Variants in PCDHA9 observed in about 807,000 individuals in gnomAD.
PCDHA9 encodes the protein protocadherin alpha 9.
In PCDHA9, 62 loss-of-function variants were observed where a neutral mutation model predicts 62.0. The ratio of observed to expected loss-of-function variants is 1.00; its 90% confidence interval spans 0.81 to 1.23. The LOEUF is 1.23. Ranked by LOEUF, PCDHA9 falls within the 50% of genes most tolerant of loss-of-function variation. The pLI is 0.00. For missense variants in PCDHA9, 1,205 were observed against 1,249.8 expected (o/e 0.96, Z 0.54); for synonymous variants, 557 against 567.6 (o/e 0.98, Z 0.27).
chr5:140,966,893 C>CA (rs1554228863), intron 1 of PCDHA9: 3 of 1,595,686 alleles, frequency 1.9e-6, no homozygotes, highest in African/African-American at 1.3e-5. Context: ...TGCGGCCTCC[C>CA]AGCTGCGATA....
intron 1 of PCDHA9, among the ~76,000 whole-genome samples, chr5:140,911,106 G>T (rs192768876): frequency 6.6e-6 from 1 of 152,214 alleles, no homozygotes; most frequent in Non-Finnish European, 1.5e-5. Flanking sequence ...TGCCTCAGGG[G>T]AAGCCATCAC....
intron 1 of PCDHA9, among the ~76,000 whole-genome samples, chr5:140,906,125 T>G (rs1168148239): frequency 6.6e-6 from 1 of 152,028 alleles, no homozygotes; most frequent in Non-Finnish European, 1.5e-5. Flanking sequence ...GACACAAATG[T>G]TAGTCTCCTT....
intron 1 of PCDHA9, chr5:140,967,193 G>A (rs1190093681): frequency 6.2e-7 from 1 of 1,613,392 alleles, no homozygotes; most frequent in Non-Finnish European, 8.5e-7. Flanking sequence ...GGACATCAAC[G>A]ACAACTCACC....
intron 1 of PCDHA9, chr5:140,854,600 AT>A (rs2043170892): frequency 6.7e-6 from 1 of 150,110 alleles, no homozygotes; most frequent in African/African-American, 2.4e-5. Context: ...GTTTAAAGTA[AT>A]TGACACATTT....
At chr5:140,853,004 G>T (rs914027451) in intron 1 of PCDHA9, 1 of 289,800 alleles carries the variant, frequency 3.5e-6, no homozygotes, top group Non-Finnish European at 5.4e-6. Flanking sequence ...TCAGCCTCCC[G>T]AGTAGCTGGG....
chr5:140,870,318 G>A (rs372041974), intron 1 of PCDHA9: 11 of 1,614,060 alleles, frequency 6.8e-6, no homozygotes, highest in African/African-American at 4.0e-5. Flanking sequence ...ATTACTACTC[G>A]TTGGTGCTGG....
chr5:140,850,192 T>C lies in PCDHA9; in HGVS notation c.1697T>C (p.Leu566Pro). 1.3e-6 allele frequency: 2 copies of C among 1,593,512 alleles called. 1 individual carries two copies. The highest frequency in any genetic ancestry group is 1.7e-6 in the Non-Finnish European group (2 of 1,167,634). The change falls in exon 1 of 4, where the codon CTG (leucine) becomes CCG (proline). Residue 566 changes from leucine (L) to proline (P), a missense_variant. Transcript: ENST00000532602. ...GAGAACGACAATGCGCCGGCGCTGC[T>C]GACACCTCGGATGAGGGGCACTGAC... The part of the protein sequence containing the change: ...LDENDNAPAL[L>P]TPRMRGTDGA...
At chr5:140,954,014 A>T (rs782347890) in intron 1 of PCDHA9, among the ~76,000 whole-genome samples, 1 of 152,038 alleles carries the variant, frequency 6.6e-6, no homozygotes, top group Non-Finnish European at 1.5e-5. Context: ...CAGCTCCCAC[A>T]CATAGTGGGA....
intron 1 of PCDHA9, among the ~76,000 whole-genome samples, chr5:140,933,899 G>T (rs2089496307): frequency 6.6e-6 from 1 of 151,508 alleles, no homozygotes; most frequent in African/African-American, 2.4e-5. Flanking sequence ...TGAATATTTT[G>T]GCATAAAGTT....
At chr5:140,895,485 C>A (rs2065029754) in intron 1 of PCDHA9, among the ~76,000 whole-genome samples, 1 of 152,114 alleles carries the variant, frequency 6.6e-6, no homozygotes, top group African/African-American at 2.4e-5. Flanking sequence ...GGAGAAATAC[C>A]TATTCAGAAC....
At chr5:140,943,927 A>G (rs1407165466) in intron 1 of PCDHA9, among the ~76,000 whole-genome samples, 2 of 152,236 alleles carry the variant, frequency 1.3e-5, no homozygotes, top group East Asian at 1.9e-4. Flanking sequence ...GAGCAGCTTT[A>G]GAAGTGTGGT....
At chr5:140,867,383 G>T in intron 1 of PCDHA9, 1 of 152,136 alleles carries the variant, frequency 6.6e-6, no homozygotes, top group East Asian at 1.9e-4. Flanking sequence ...TGGAATTAAC[G>T]GTTATAAAAG....
chr5:140,958,053 G>A (rs2095406506), intron 1 of PCDHA9, among the ~76,000 whole-genome samples: 1 of 152,030 alleles, frequency 6.6e-6, no homozygotes. Context: ...ATAGAAAAAA[G>A]AGAGAAAAAA....
At chr5:140,918,515 T>C (rs1000500676) in intron 1 of PCDHA9, among the ~76,000 whole-genome samples, 1 of 152,224 alleles carries the variant, frequency 6.6e-6, no homozygotes, top group African/African-American at 2.4e-5. Flanking sequence ...TTTAAACTTA[T>C]TGAGGATTGT....
At chr5:140,971,643 T>C (rs2096490301) in intron 1 of PCDHA9, among the ~76,000 whole-genome samples, 2 of 152,134 alleles carry the variant, frequency 1.3e-5, no homozygotes, top group African/African-American at 4.8e-5. Flanking sequence ...TGTGCCTACA[T>C]TAAAAGTAGA....
In PCDHA9 at chr5:140,912,862, T is replaced by C. The variant is rs181526076; in HGVS notation, c.2394+61973T>C. On this transcript the variant is annotated intron_variant, in intron 1 of 3. Coordinates refer to ENST00000532602, the MANE Select transcript of PCDHA9 (RefSeq NM_031857.2). Reference sequence around the variant, plus strand: ...GCTTTTTCAGCATCAATTGAAATGATATATGGTTTTTGGTCTTCATTCTGT... The same window carrying C: ...GCTTTTTCAGCATCAATTGAAATGACATATGGTTTTTGGTCTTCATTCTGT... Among the ~76,000 whole-genome samples, 6 of 152,338 alleles carry C rather than the reference T, an allele frequency of 3.9e-5. No individual in the cohort carries two copies. In the East Asian group the frequency reaches 1.2e-3, roughly 29 times the overall value.
chr5:140,882,560 C>G (rs150463901), intron 1 of PCDHA9: 2 of 1,614,168 alleles, frequency 1.2e-6, no homozygotes, highest in African/African-American at 2.7e-5. Context: ...GCTGTGTGGG[C>G]GGAGCGCGGA....
chr5:140,871,610 T>C (rs2053222652), intron 1 of PCDHA9: 1 of 1,429,404 alleles, frequency 7.0e-7, no homozygotes, highest in South Asian at 1.5e-5. Context: ...GTTTTGAATA[T>C]TGTTTTAGAT....
At chr5:140,928,532 A>G (rs781788985) in intron 1 of PCDHA9, 42 of 1,614,110 alleles carry the variant, frequency 2.6e-5, no homozygotes, top group Middle Eastern at 1.6e-4. Flanking sequence ...TTTGTGGTAG[A>G]TAGGAATGAC....
Sources: gnomAD v4.1 joint callset for allele counts (sites outside exome capture counted in the v4.1 genomes callset) on GRCh38, gnomAD v4.1.1 for gene constraint, MANE v1.5 for transcripts, NCBI Gene and HGNC (gene_info 2026-07-23, HGNC 2026-07-21) for gene names.